Variants in EXOC3L4 observed in about 807,000 individuals in gnomAD.
EXOC3L4 encodes exocyst complex component 3-like protein 4.
Under a neutral mutation model 69.7 loss-of-function variants are expected in EXOC3L4, and 62 were observed. The observed-to-expected ratio is 0.89, with a 90% confidence interval of 0.72 to 1.10. EXOC3L4 has a LOEUF of 1.10. Among genes scored for constraint, EXOC3L4 ranks in the 50% least tolerant of loss-of-function variants. The pLI, the probability that EXOC3L4 is intolerant of heterozygous loss-of-function variation, is 0.00. For synonymous variants in EXOC3L4, 502 were observed against 464.2 expected (o/e 1.08, Z -1.05); for missense variants, 1,087 against 1,034.8 (o/e 1.05, Z -0.69).
At position 103,107,780 on chromosome 14, in the gene EXOC3L4, C is replaced by A; in HGVS notation, c.1851C>A (p.Gly617=). ...AGGCCATCAGCGACACCTTCCAGGGCCTGGTAGGGGCGGCATGACTGCCCT... is the reference window on the plus strand; with the variant it reads ...AGGCCATCAGCGACACCTTCCAGGGACTGGTAGGGGCGGCATGACTGCCCT... ...DAQAISDTFQ[G]LGSEATWLDQ... is the part of the protein sequence containing the mutation. The change falls in exon 10 of 12, where the codon GGC becomes GGA. Residue 617 remains glycine, a synonymous_variant. Transcript: ENST00000688303. 2.0e-6 allele frequency: 3 copies of A among 1,519,324 alleles called. No individual in the cohort carries two copies. The highest frequency in any genetic ancestry group is 1.8e-6 in the Non-Finnish European group (2 of 1,127,016). 94.1% of individuals were successfully genotyped at this position (1,519,324 alleles called of 1,614,324 possible). A position where few individuals can be genotyped will look rare whatever the true frequency, so the allele number is the denominator to read the frequency against.
At chr14:103,106,634 C>G (rs2139504853) in intron 7 of EXOC3L4, 151 bp from the exon 8 acceptor site, 1 of 577,772 alleles carries the variant, frequency 1.7e-6, no homozygotes, top group Non-Finnish European at 3.1e-6. Flanking sequence ...GTGCTGTCCC[C>G]CACTTGACTC....
chr14:103,106,722 C>G, intron 7 of EXOC3L4, 63 bp from the exon 8 acceptor site: 8 of 1,022,290 alleles, frequency 7.8e-6, no homozygotes, highest in Non-Finnish European at 1.0e-5. Flanking sequence ...GCTGTGTGCC[C>G]GGCTCTATTC....
chr14:103,106,540 T>C (rs1277277426), intron 7 of EXOC3L4, among the ~76,000 whole-genome samples: 1 of 152,184 alleles, frequency 6.6e-6, no homozygotes, highest in African/African-American at 2.4e-5. Flanking sequence ...CCAAGAGGGA[T>C]GGAAGGTCTG....
intron 1 of EXOC3L4, among the ~76,000 whole-genome samples, chr14:103,096,410 T>C (rs936737032): frequency 2.6e-5 from 4 of 151,290 alleles, no homozygotes; most frequent in African/African-American, 9.7e-5. Flanking sequence ...TCTTTTTTTT[T>C]TTGCAATTGT....
intron 11 of EXOC3L4, 138 bp downstream of exon 11, chr14:103,108,655 A>C (rs1046112073): frequency 2.5e-6 from 3 of 1,187,100 alleles, no homozygotes; most frequent in African/African-American, 1.5e-5. Flanking sequence ...TTGGACCCTC[A>C]GACCCTCAAG....
Position 103,107,478 on chromosome 14 carries a change from C to G in EXOC3L4, c.1636C>G (p.Pro546Ala). The G allele has an allele frequency of 6.2e-7, 1 of 1,613,886 alleles. No individual in the cohort carries two copies. Among genetic ancestry groups the G allele is most frequent in the South Asian group, 1.1e-5 (1 of 91,090 alleles). The change falls in exon 9 of 12, where the codon CCC becomes GCC. Residue 546 changes from proline (P) to alanine (A), a missense_variant. Coordinates refer to ENST00000688303, the MANE Select transcript of EXOC3L4 (RefSeq NM_001077594.2). Reference protein sequence around the residue: ...RDWLTQDWLHPLMDKVVTFAG... With the variant: ...RDWLTQDWLHALMDKVVTFAG... ...CTGGCTGACGCAGGACTGGCTGCAT[C>G]CCCTCATGGACAAGGTGGTGACCTT...
chr14:103,104,857 T>C lies in EXOC3L4; in HGVS notation c.1385+19T>C, dbSNP rs1890444675. ...TGCCCAGGTGCGGACGCATCCTCAGTAGGGGAGCGACCTGGCCGGGTGCGC... is the reference window on the plus strand; with the variant it reads ...TGCCCAGGTGCGGACGCATCCTCAGCAGGGGAGCGACCTGGCCGGGTGCGC... On this transcript the variant is annotated intron_variant, in intron 6 of 11. Coordinates refer to ENST00000688303, the MANE Select transcript of EXOC3L4 (RefSeq NM_001077594.2). The C allele has an allele frequency of 6.6e-7, 1 of 1,513,318 alleles. No individual in the cohort carries two copies. Among genetic ancestry groups the C allele is most frequent in the African/African-American group, 1.4e-5 (1 of 72,012 alleles). 93.7% of individuals were successfully genotyped at this position (1,513,318 alleles called of 1,614,324 possible).
chr14:103,104,187 C>CGCGGGCTTGT (rs1890394647), intron 4 of EXOC3L4, 80 bp from the exon 5 acceptor site: 5 of 1,453,884 alleles, frequency 3.4e-6, no homozygotes, highest in Non-Finnish European at 4.5e-6. Context: ...GCTTGTGACC[C>CGCGGGCTTGT]GACAGGGCGG....
At chr14:103,099,970 G>A (rs1455422455) in intron 1 of EXOC3L4, among the ~76,000 whole-genome samples, 1 of 152,194 alleles carries the variant, frequency 6.6e-6, no homozygotes, top group African/African-American at 2.4e-5. Flanking sequence ...TTGGGGGATG[G>A]TCTCAGGAAA....
chr14:103,107,389 G>A, intron 8 of EXOC3L4, 35 bp from the exon 9 acceptor site: 7 of 1,601,292 alleles, frequency 4.4e-6, no homozygotes, highest in Non-Finnish European at 6.0e-6. Flanking sequence ...CGGGCGTAGT[G>A]CACATTTGCA....
At chr14:103,104,081 GC>G (rs1459003571) in intron 4 of EXOC3L4, 29 bp downstream of exon 4, 1 of 1,521,722 alleles carries the variant, frequency 6.6e-7, no homozygotes, top group African/African-American at 1.4e-5. Flanking sequence ...GGCTGGGCGG[GC>G]CAGGCTGGAG....
At position 103,104,246 on chromosome 14, in the gene EXOC3L4, GCC is replaced by G; in HGVS notation, c.1162-19_1162-18del. On this transcript the variant is annotated intron_variant, in intron 4 of 11. Transcript: ENST00000688303. ...CGGGGTCTGGGAGGGTCTCACCACG[GCC>G]CATCCCTTCTCCCCCCAGGCCAAGA... 6.4e-7 allele frequency: 1 copy of G among 1,563,572 alleles called. No individual in the cohort carries two copies. The highest frequency in any genetic ancestry group is 8.7e-7 in the Non-Finnish European group (1 of 1,155,054).
At position 103,104,732 on chromosome 14, in the gene EXOC3L4, T is replaced by C. The variant is rs1395542184; in HGVS notation, c.1285-6T>C. On this transcript the variant is annotated splice_polypyrimidine_tract_variant and splice_region_variant and intron_variant, in intron 5 of 11. Transcript: ENST00000688303. ...AGGCACGCTCAGTGCGGGGCTTCGC[T>C]CGCAGCTCGTGGCCGAGCACGTGAA... 2 of 1,495,508 alleles carry C rather than the reference T, an allele frequency of 1.3e-6. No individual in the cohort carries two copies. The highest frequency in any genetic ancestry group is 1.8e-6 in the Non-Finnish European group (2 of 1,123,194). 92.6% of individuals were successfully genotyped at this position (1,495,508 alleles called of 1,614,324 possible).
intron 7 of EXOC3L4, among the ~76,000 whole-genome samples, chr14:103,106,106 C>A (rs568029749): frequency 6.6e-6 from 1 of 152,344 alleles, no homozygotes; most frequent in South Asian, 2.1e-4. Flanking sequence ...TCATCCCAAG[C>A]GCAGTATACC....
chr14:103,104,979 T>G lies in EXOC3L4; in HGVS notation c.1386-13T>G, dbSNP rs769756488. The G allele has an allele frequency of 2.8e-5, 45 of 1,610,764 alleles. No homozygotes were observed. The South Asian group carries it at 4.6e-4, about 17-fold the overall frequency. ...AGGGAGGGTCCCCAAAGGCTCTGTGTATCCCGCCCCAGGTTTGAAAAGGCT... is the reference window on the plus strand; with the variant it reads ...AGGGAGGGTCCCCAAAGGCTCTGTGGATCCCGCCCCAGGTTTGAAAAGGCT... On this transcript the variant is annotated splice_polypyrimidine_tract_variant and intron_variant, in intron 6 of 11. Coordinates refer to ENST00000688303, the MANE Select transcript of EXOC3L4 (RefSeq NM_001077594.2).
intron 11 of EXOC3L4, 123 bp from the exon 12 acceptor site, chr14:103,109,908 C>A: frequency 9.0e-7 from 1 of 1,109,620 alleles, no homozygotes; most frequent in Non-Finnish European, 1.3e-6. Context: ...ATCTGACCTC[C>A]CTGACCATCC....
intron 1 of EXOC3L4, among the ~76,000 whole-genome samples, chr14:103,096,072 C>G (rs952367104): frequency 6.6e-6 from 1 of 152,102 alleles, no homozygotes; most frequent in African/African-American, 2.4e-5. Context: ...GTTTATAGGG[C>G]CGGGCATGGT....
chr14:103,099,766 G>C (rs1024356423), intron 1 of EXOC3L4, among the ~76,000 whole-genome samples: 2 of 152,160 alleles, frequency 1.3e-5, no homozygotes, highest in Non-Finnish European at 2.9e-5. Context: ...GGTGGGGGCT[G>C]GGGGGAGGGT....
chr14:103,102,684 G>A lies in EXOC3L4; in HGVS notation c.961G>A (p.Ala321Thr). 2 of 1,484,212 alleles carry A rather than the reference G, an allele frequency of 1.3e-6. No homozygotes were observed. Among genetic ancestry groups the A allele is most frequent in the Non-Finnish European group, 8.9e-7 (1 of 1,122,306 alleles). 91.9% of individuals were successfully genotyped at this position (1,484,212 alleles called of 1,614,324 possible). A position where few individuals can be genotyped will look rare whatever the true frequency, so the allele number is the denominator to read the frequency against. Reference sequence around the variant, plus strand: ...TCTGCGTGCCTTCCACAGCGCCGTGGCCCAGCGCCTCCAGGAGCTCGCGCG... The same window carrying A: ...TCTGCGTGCCTTCCACAGCGCCGTGACCCAGCGCCTCCAGGAGCTCGCGCG... ...VYLRAFHSAV[A>T]QRLQELARDA... Residue 321 changes from alanine to threonine, a missense_variant, in exon 3 of 12, where the codon GCC becomes ACC. Transcript: ENST00000688303.
Sources: allele counts gnomAD v4.1 joint callset (sites outside exome capture counted in the v4.1 genomes callset), GRCh38; gene constraint gnomAD v4.1.1; transcripts MANE v1.5; gene names NCBI Gene and HGNC (gene_info 2026-07-23, HGNC 2026-07-21).